KCTD8: variants seen among roughly 807,000 people sequenced by gnomAD.
KCTD8 encodes the protein potassium channel tetramerization domain containing 8.
In KCTD8, 27 loss-of-function variants were observed where a neutral mutation model predicts 31.5. The ratio of observed to expected loss-of-function variants is 0.86; its 90% CI spans 0.63 to 1.18. KCTD8 has a LOEUF of 1.18. Among genes scored for constraint, KCTD8 ranks in the 50% most tolerant of loss-of-function variants. KCTD8 has a pLI of 0.00. For missense variants in KCTD8, 658 were observed against 647.7 expected (o/e 1.02, Z -0.17); for synonymous variants, 290 against 280.0 (o/e 1.04, Z -0.36).
chr4:44,214,233 A>G (rs1714579239), intron 1 of KCTD8, among the ~76,000 whole-genome samples: 1 of 152,130 alleles, frequency 6.6e-6, no homozygotes, highest in African/African-American at 2.4e-5. Flanking sequence ...TTTCCAGTTA[A>G]TCTGTTTTAT....
At chr4:44,306,111 A>T (rs1019449988) in intron 1 of KCTD8, among the ~76,000 whole-genome samples, 3 of 151,978 alleles carry the variant, frequency 2.0e-5, no homozygotes, top group Admixed American at 1.3e-4. Flanking sequence ...TATTCAACTT[A>T]GGTAGACAAT....
chr4:44,187,431 C>A (rs1324985598), intron 1 of KCTD8, among the ~76,000 whole-genome samples: 1 of 152,204 alleles, frequency 6.6e-6, no homozygotes, highest in Non-Finnish European at 1.5e-5. Flanking sequence ...AAAAACTCCA[C>A]ACAAAGATGC....
chr4:44,258,517 T>C (rs970916519), intron 1 of KCTD8, among the ~76,000 whole-genome samples: 2 of 151,944 alleles, frequency 1.3e-5, no homozygotes, highest in Admixed American at 1.3e-4. Context: ...CTGAAGTGTT[T>C]ATGAGTGCTC....
chr4:44,253,123 A>C (rs572561184), intron 1 of KCTD8, among the ~76,000 whole-genome samples: 2 of 151,798 alleles, frequency 1.3e-5, no homozygotes, highest in Non-Finnish European at 2.9e-5. Context: ...TTAAAATATA[A>C]GTTTTCTCCT....
intron 1 of KCTD8, among the ~76,000 whole-genome samples, chr4:44,281,496 A>G (rs1398988908): frequency 2.6e-5 from 4 of 152,138 alleles, no homozygotes; most frequent in African/African-American, 9.6e-5. Flanking sequence ...GAACAAGCTG[A>G]TGTGTACACT....
At chr4:44,244,901 T>G (rs962155533) in intron 1 of KCTD8, among the ~76,000 whole-genome samples, 1 of 151,982 alleles carries the variant, frequency 6.6e-6, no homozygotes, top group Non-Finnish European at 1.5e-5. Flanking sequence ...GAATTTGTTC[T>G]GCTTTTCTCT....
rs369941258 is a variant in KCTD8, at chr4:44,414,812, T to C, written c.961+32751A>G. On this transcript the variant is annotated intron_variant, in intron 1 of 1. Transcript: ENST00000360029. ...ATCAGACATAAGGATCACTCATACA[T>C]GGCTTAGTGCCATCCCCTTGGTAGC... Among the ~76,000 whole-genome samples, 16 of 152,148 alleles carry C rather than the reference T, an allele frequency of 1.1e-4. 1 individual carries two copies. The highest frequency in any genetic ancestry group is 8.5e-4 in the Admixed American group (13 of 15,254).
At chr4:44,188,127 T>TGCCA (rs1481262458) in intron 1 of KCTD8, among the ~76,000 whole-genome samples, 1 of 152,198 alleles carries the variant, frequency 6.6e-6, no homozygotes, top group Non-Finnish European at 1.5e-5. Flanking sequence ...AGTGCCTGCC[T>TGCCA]GCCAATAAAT....
intron 1 of KCTD8, among the ~76,000 whole-genome samples, chr4:44,367,283 A>C (rs1719665473): frequency 6.6e-6 from 1 of 152,180 alleles, no homozygotes; most frequent in South Asian, 2.1e-4. Flanking sequence ...GAGAATATCT[A>C]GTTTTGCTTA....
intron 1 of KCTD8, among the ~76,000 whole-genome samples, chr4:44,332,706 T>C (rs1718620205): frequency 6.6e-6 from 1 of 151,966 alleles, no homozygotes; most frequent in Non-Finnish European, 1.5e-5. Context: ...TCTTTCTTTT[T>C]TTAAAAAAGA....
At chr4:44,266,064 G>C (rs1244198618) in intron 1 of KCTD8, among the ~76,000 whole-genome samples, 1 of 152,002 alleles carries the variant, frequency 6.6e-6, no homozygotes, top group Non-Finnish European at 1.5e-5. Context: ...TACTCCTCGA[G>C]AAGAGCAACT....
rs147725163 is a variant in KCTD8, at chr4:44,280,048, GA to G, written c.962-104799del. On this transcript the variant is annotated intron_variant, in intron 1 of 1. Coordinates refer to ENST00000360029, the MANE Select transcript of KCTD8 (RefSeq NM_198353.3). ...TAACCAAGGAATGACAGAGATCTTG[GA>G]AATTTTCAGTCATCTTGGAGAAGAC... 2.4e-4 allele frequency among the ~76,000 whole-genome samples: 36 copies of G among 152,066 alleles called. No homozygotes were observed. In the East Asian group the frequency reaches 6.0e-3, roughly 25 times the overall value.
chr4:44,394,182 A>G (rs58780283), intron 1 of KCTD8, among the ~76,000 whole-genome samples: 155 of 152,190 alleles, frequency 1.0e-3, no homozygotes, highest in African/African-American at 3.6e-3. Context: ...AATATAATCT[A>G]GTGATTGCCA....
At chr4:44,384,212 G>C (rs1353819195) in intron 1 of KCTD8, among the ~76,000 whole-genome samples, 1 of 151,804 alleles carries the variant, frequency 6.6e-6, no homozygotes, top group Non-Finnish European at 1.5e-5. Context: ...ATACATTGTT[G>C]GTGGGAATGT....
chr4:44,448,388 C>T lies in KCTD8; in HGVS notation c.136G>A (p.Val46Met). ...PCAPSPFPEV[V>M]ELNVGGQVYV... is the part of the protein sequence containing the mutation. ...ACCTGGCCGCCTACGTTCAGCTCCA[C>T]TACTTCAGGGAAGGGCGAGGGTGCG... Residue 46 changes from valine to methionine, a missense_variant, in exon 1 of 2, where the codon GTG (valine) becomes ATG (methionine). By Grantham distance (21) the Val-to-Met change is conservative. Transcript: ENST00000360029. The surrounding 1 kb of genome is among the most constrained non-coding windows in gnomAD (Gnocchi z 4.1). 6.3e-7 allele frequency: 1 copy of T among 1,590,508 alleles called. No individual in the cohort carries two copies.
At chr4:44,203,163 A>G (rs1714199270) in intron 1 of KCTD8, among the ~76,000 whole-genome samples, 2 of 152,194 alleles carry the variant, frequency 1.3e-5, no homozygotes, top group Admixed American at 6.5e-5. Context: ...AATAAACTAT[A>G]TCCTTAAAGA....
chr4:44,350,320 C>CAGAT (rs1719164074), intron 1 of KCTD8, among the ~76,000 whole-genome samples: 1 of 152,116 alleles, frequency 6.6e-6, no homozygotes, highest in East Asian at 1.9e-4. Flanking sequence ...TTCTGATAAC[C>CAGAT]AGATGTTCCT....
intron 1 of KCTD8, among the ~76,000 whole-genome samples, chr4:44,285,913 G>A (rs1021251484): frequency 6.6e-6 from 1 of 151,826 alleles, no homozygotes; most frequent in African/African-American, 2.4e-5. Context: ...TGTTATTCAT[G>A]GGAGAAGAAC....
At chr4:44,347,175 C>T (rs1287595037) in intron 1 of KCTD8, among the ~76,000 whole-genome samples, 1 of 152,172 alleles carries the variant, frequency 6.6e-6, no homozygotes, top group Non-Finnish European at 1.5e-5. Context: ...TGAGCAATTG[C>T]TCACATTATT....
Sources: gnomAD v4.1 joint callset for allele counts (sites outside exome capture counted in the v4.1 genomes callset) on GRCh38, gnomAD v4.1.1 for gene constraint, Gnocchi (gnomAD v3.1) non-coding constraint, MANE v1.5 for transcripts, NCBI Gene and HGNC (gene_info 2026-07-23, HGNC 2026-07-21) for gene names.